Variants in CLCN3 observed in about 807,000 individuals in gnomAD.
CLCN3 encodes Cl-/H+ antiporter 3.
A neutral mutation model predicts 83.4 loss-of-function variants in CLCN3; 16 were observed. The ratio of observed to expected loss-of-function variants is 0.19; its 90% confidence interval spans 0.13 to 0.29. CLCN3 has a LOEUF of 0.29. Ranked by LOEUF, CLCN3 falls within the 10% of genes least tolerant of loss-of-function variation. CLCN3 has a pLI of 1.00. For synonymous variants in CLCN3, 322 were observed against 346.2 expected (o/e 0.93, Z 0.78); for missense variants, 544 against 1,006.0 (o/e 0.54, Z 6.21).
intron 9 of CLCN3, among the ~76,000 whole-genome samples, chr4:169,701,624 C>T (rs1732789104): frequency 6.6e-6 from 1 of 152,092 alleles, no homozygotes; most frequent in African/African-American, 2.4e-5. Context: ...CTCTTGCCTT[C>T]TCAGAGGAAA....
At chr4:169,650,751 A>G (rs1581207031) in intron 2 of CLCN3, among the ~76,000 whole-genome samples, 1 of 152,216 alleles carries the variant, frequency 6.6e-6, no homozygotes, top group African/African-American at 2.4e-5. Flanking sequence ...TTCTTAATAC[A>G]TTTGACACTT....
In CLCN3 at chr4:169,720,542, C is replaced by A. The variant is rs1295604614; in HGVS notation, c.*545C>A. 6.6e-6 allele frequency: 1 copy of A among 152,324 alleles called. No individual in the cohort carries two copies. The highest frequency in any genetic ancestry group is 1.5e-5 in the Non-Finnish European group (1 of 68,400). The allele number at this position is 152,324 out of a possible 1,614,324, so 9.4% of individuals were successfully genotyped here. ...AGCCTTTATTTCTCTCTCTCTCTCT[C>A]TCTCTCTCTCTCTCTCTACTGAGCT... On this transcript the variant is annotated 3_prime_UTR_variant, in exon 13 of 13. Coordinates refer to ENST00000513761, the MANE Select transcript of CLCN3 (RefSeq NM_001829.4).
rs774332771 is a variant in CLCN3 at position 169,697,623 on chromosome 4, C to T, written c.1452C>T (p.Val484=). 8.7e-6 allele frequency: 14 copies of T among 1,613,914 alleles called. No individual in the cohort carries two copies. The highest frequency in any genetic ancestry group is 1.6e-4 in the Middle Eastern group (1 of 6,084). ...ATGACATGAATGCCAGTAAAATTGT[C>T]GATGACATTCCTGATCGTCCAGCAG... ...YRNDMNASKI[V]DDIPDRPAGI... is the part of the protein sequence containing the mutation. The change falls in exon 9 of 13, where the codon GTC becomes GTT. Residue 484 remains valine, a synonymous_variant. Transcript: ENST00000513761.
chr4:169,636,212 T>C, intron 2 of CLCN3, 124 bp downstream of exon 2: 1 of 833,700 alleles, frequency 1.2e-6, no homozygotes, highest in South Asian at 1.8e-5. Context: ...TTACATAACA[T>C]AAACTTAACC....
chr4:169,650,373 T>G (rs555555639), intron 2 of CLCN3, among the ~76,000 whole-genome samples: 101 of 152,322 alleles, frequency 6.6e-4, no homozygotes, highest in Middle Eastern at 3.4e-3. Flanking sequence ...CTACAGAGTT[T>G]CAAAGGTTAT....
chr4:169,662,130 AT>A (rs1269356845), intron 2 of CLCN3, among the ~76,000 whole-genome samples: 8 of 152,196 alleles, frequency 5.3e-5, no homozygotes. Flanking sequence ...GTCAAAACTT[AT>A]GTGAGAGTAG....
rs1773097112 is a variant in CLCN3 at position 169,620,959 on chromosome 4, C to T, written c.-121C>T. On this transcript the variant is annotated 5_prime_UTR_variant, in exon 1 of 13. Transcript: ENST00000513761. ...AGTTTTCGCTGTGTCAGGCTTTCTT[C>T]GGTGGAGCTCCGAGGGTAGCTAGGT... The T allele has an allele frequency of 2.5e-6, 1 of 398,430 alleles. No homozygotes were observed. Among genetic ancestry groups the T allele is most frequent in the Non-Finnish European group, 4.4e-6 (1 of 226,056 alleles). 24.7% of individuals were successfully genotyped at this position (398,430 alleles called of 1,614,324 possible).
chr4:169,621,164 T>C, intron 1 of CLCN3, 101 bp downstream of exon 1: 1 of 366,558 alleles, frequency 2.7e-6, no homozygotes, highest in Non-Finnish European at 4.8e-6. Flanking sequence ...TCTTACAATG[T>C]ACCTACATAA....
At chr4:169,636,562 G>A (rs1294543434) in intron 2 of CLCN3, among the ~76,000 whole-genome samples, 1 of 152,084 alleles carries the variant, frequency 6.6e-6, no homozygotes, top group Non-Finnish European at 1.5e-5. Flanking sequence ...CTTTATGTAT[G>A]TGGAATTCAT....
At chr4:169,700,118 G>C (rs1560867645) in intron 9 of CLCN3, among the ~76,000 whole-genome samples, 1 of 152,114 alleles carries the variant, frequency 6.6e-6, no homozygotes, top group Non-Finnish European at 1.5e-5. Context: ...ATCATACCTG[G>C]CAAGAGAGTG....
At chr4:169,700,962 G>A (rs2150259781) in intron 9 of CLCN3, among the ~76,000 whole-genome samples, 1 of 152,294 alleles carries the variant, frequency 6.6e-6, no homozygotes. Context: ...GCTAGAGGTA[G>A]GACTGGCTGT....
intron 1 of CLCN3, among the ~76,000 whole-genome samples, chr4:169,631,940 C>A (rs1773382077): frequency 6.6e-6 from 1 of 152,092 alleles, no homozygotes; most frequent in South Asian, 2.1e-4. Context: ...AATCTACCAA[C>A]CAGAAAAGCC....
At chr4:169,682,793 C>G (rs1407740763) in intron 3 of CLCN3, among the ~76,000 whole-genome samples, 1 of 152,152 alleles carries the variant, frequency 6.6e-6, no homozygotes, top group East Asian at 1.9e-4. Flanking sequence ...GTAATGACTG[C>G]CAGTACATTT....
chr4:169,682,353 G>A lies in CLCN3; in HGVS notation c.318+2146G>A, dbSNP rs545924589. Among the ~76,000 whole-genome samples the A allele has an allele frequency of 1.6e-4, 24 of 152,162 alleles. 1 individual carries two copies. In the South Asian group the frequency reaches 4.8e-3, roughly 30 times the overall value. On this transcript the variant is annotated intron_variant, in intron 3 of 12. Coordinates refer to ENST00000513761, the MANE Select transcript of CLCN3 (RefSeq NM_001829.4). ...TTTCCTAAAATTCTGATTTTTACTG[G>A]AGAGCTCAAATTCTATCATTGGAAA...
At chr4:169,712,138 C>T (rs1022711660) in intron 11 of CLCN3, among the ~76,000 whole-genome samples, 2 of 150,748 alleles carry the variant, frequency 1.3e-5, no homozygotes, top group Non-Finnish European at 2.9e-5. Context: ...GTTAGGATTA[C>T]AAGCCTGAGC....
chr4:169,690,702 T>A, intron 6 of CLCN3, 50 bp downstream of exon 6: 1 of 1,541,730 alleles, frequency 6.5e-7, no homozygotes. Flanking sequence ...GATGCTTATC[T>A]TTTTGACCTT....
At chr4:169,644,942 A>G (rs548043788) in intron 2 of CLCN3, among the ~76,000 whole-genome samples, 1 of 152,302 alleles carries the variant, frequency 6.6e-6, no homozygotes, top group South Asian at 2.1e-4. Flanking sequence ...TGGAAGCTAG[A>G]AAAGGCGAGG....
rs1186675503 is a variant in CLCN3, at chr4:169,690,657, G to A, written c.729+5G>A. The A allele has an allele frequency of 7.5e-6, 12 of 1,608,590 alleles. No individual in the cohort carries two copies. The highest frequency in any genetic ancestry group is 8.5e-6 in the Non-Finnish European group (10 of 1,177,550). On this transcript the variant is annotated splice_donor_5th_base_variant and intron_variant, in intron 6 of 12. Transcript: ENST00000513761. ...TGTGGCTCTGGAATTCCAGAGGTAA[G>A]CCAAGTAATATTTAGTGTCATTAAA... is the stretch of plus-strand genomic sequence containing the variant.
chr4:169,635,822 C>A, intron 1 of CLCN3, 91 bp from the exon 2 acceptor site: 1 of 1,021,422 alleles, frequency 9.8e-7, no homozygotes, highest in African/African-American at 1.7e-5. Flanking sequence ...TTTTTTAGCA[C>A]ATAGATCATA....
Sources: allele counts gnomAD v4.1 joint callset (sites outside exome capture counted in the v4.1 genomes callset), GRCh38; gene constraint gnomAD v4.1.1; transcripts MANE v1.5; gene names NCBI Gene and HGNC (gene_info 2026-07-23, HGNC 2026-07-21).